Variants in TRMT44 observed in about 807,000 individuals in gnomAD.
TRMT44 encodes the protein probable tRNA (uracil-O(2)-)-methyltransferase.
TRMT44 carries 78 observed loss-of-function variants against 77.3 expected under a neutral mutation model. The ratio of observed to expected loss-of-function variants is 1.01; its 90% CI spans 0.84 to 1.22. The LOEUF (loss-of-function observed/expected upper bound fraction) is 1.22. Among genes scored for constraint, TRMT44 ranks in the 50% most tolerant of loss-of-function variants. The probability of loss-of-function intolerance (pLI) is 0.00; values close to 1 mark genes in which losing one functional copy is unlikely to be tolerated. For missense variants in TRMT44, 1,090 were observed against 964.4 expected (o/e 1.13, Z -1.73); for synonymous variants, 391 against 383.3 (o/e 1.02, Z -0.23).
intron 10 of TRMT44, 104 bp from the exon 11 acceptor site, chr4:8,475,668 C>T: frequency 9.6e-7 from 1 of 1,042,822 alleles, no homozygotes; most frequent in Non-Finnish European, 1.4e-6. Context: ...GTATCCCTGA[C>T]CCTGGATTGG....
chr4:8,468,468 T>C, intron 9 of TRMT44, 122 bp downstream of exon 9: 2 of 1,024,674 alleles, frequency 2.0e-6, no homozygotes, highest in Non-Finnish European at 3.0e-6. Context: ...GAAAAAGCCA[T>C]TGATGGTGGG....
At chr4:8,470,896 T>G in intron 9 of TRMT44, 188 bp from the exon 10 acceptor site, 1 of 517,110 alleles carries the variant, frequency 1.9e-6, no homozygotes, top group Admixed American at 2.9e-5. Flanking sequence ...CTTAGCTGGG[T>G]GGGGACGCCA....
At chr4:8,474,527 T>G (rs1455916182) in intron 10 of TRMT44, among the ~76,000 whole-genome samples, 2 of 152,226 alleles carry the variant, frequency 1.3e-5, no homozygotes, top group East Asian at 1.9e-4. Context: ...TTCTCTAGTT[T>G]CAGGGGAAAC....
intron 2 of TRMT44, among the ~76,000 whole-genome samples, chr4:8,487,763 AGGGGTTG>A (rs963063911): frequency 3.9e-5 from 6 of 152,118 alleles, no homozygotes; most frequent in African/African-American, 1.4e-4. Flanking sequence ...CATGGAGAGA[AGGGGTTG>A]GGGTACTTAC....
chr4:8,501,997 G>A, the TRMT44 span, among the ~76,000 whole-genome samples: 1 of 152,230 alleles, frequency 6.6e-6, no homozygotes, highest in South Asian at 2.1e-4. The surrounding 1 kb of genome is among the most constrained non-coding windows in gnomAD (Gnocchi z 4.4). Context: ...TCTCCCAGGA[G>A]GAGACAGACA....
chr4:8,446,623 G>T lies in TRMT44; in HGVS notation c.734+33G>T. On this transcript the variant is annotated intron_variant, in intron 2 of 10. Coordinates refer to ENST00000389737, the MANE Select transcript of TRMT44 (RefSeq NM_152544.3). The surrounding 1 kb of genome is among the most constrained non-coding windows in gnomAD (Gnocchi z 4.3). ...CTGGACAGTGGACTCCTAGTTTTAT[G>T]GTTTCCATTGAGGATTTCTTTAGGT... The T allele has an allele frequency of 7.0e-7, 1 of 1,438,634 alleles. No homozygotes were observed. Among genetic ancestry groups the T allele is most frequent in the South Asian group, 1.3e-5 (1 of 79,934 alleles). 89.1% of individuals were successfully genotyped at this position (1,438,634 alleles called of 1,614,324 possible). A position where few individuals can be genotyped will look rare whatever the true frequency, so the allele number is the denominator to read the frequency against.
rs938615961 is a variant in TRMT44, at chr4:8,440,891, G to A, written c.69G>A (p.Ala23=). The A allele has an allele frequency of 1.3e-6, 2 of 1,528,618 alleles. No individual in the cohort carries two copies. Among genetic ancestry groups the A allele is most frequent in the Non-Finnish European group, 1.7e-6 (2 of 1,144,854 alleles). 94.7% of individuals were successfully genotyped at this position (1,528,618 alleles called of 1,614,324 possible). The part of the protein sequence containing the change: ...GALLPQGFWA[A]VEVWLERPQV... ...TTCTCCCACAGGGCTTCTGGGCTGCGGTCGAAGTGTGGCTGGAGAGGCCGC... is the reference window on the plus strand; with the variant it reads ...TTCTCCCACAGGGCTTCTGGGCTGCAGTCGAAGTGTGGCTGGAGAGGCCGC... Residue 23 remains alanine (A), a synonymous_variant, in exon 1 of 11, where the codon GCG becomes GCA. Transcript: ENST00000389737.
chr4:8,456,432 C>T (rs567799484), intron 6 of TRMT44, among the ~76,000 whole-genome samples: 9 of 151,998 alleles, frequency 5.9e-5, no homozygotes, highest in African/African-American at 1.4e-4. Context: ...AGAAAAGTTA[C>T]GGCATTAGAA....
At chr4:8,510,278 G>C in the TRMT44 span, 4 of 152,820 alleles carry the variant, frequency 2.6e-5, no homozygotes, top group Non-Finnish European at 2.9e-5. Context: ...GAAGCCTCTC[G>C]CGTTCCTGGG....
At chr4:8,459,466 G>A (rs574900567) in intron 6 of TRMT44, among the ~76,000 whole-genome samples, 1 of 152,182 alleles carries the variant, frequency 6.6e-6, no homozygotes, top group East Asian at 1.9e-4. Flanking sequence ...TCAGCCATGT[G>A]TACGGCAAGC....
chr4:8,495,594 G>A (rs912093127), downstream of TRMT44, among the ~76,000 whole-genome samples: 1 of 152,162 alleles, frequency 6.6e-6, no homozygotes, highest in Non-Finnish European at 1.5e-5. Context: ...GGAGAGGGAC[G>A]ACATCACAAA....
At chr4:8,483,867 T>C (rs113753164) in intron 2 of TRMT44, among the ~76,000 whole-genome samples, 3,465 of 152,266 alleles carry the variant, frequency 0.023, 72 homozygotes, top group African/African-American at 0.053. Context: ...AAAGTGTCTA[T>C]TTAGACTAAG....
intron 2 of TRMT44, among the ~76,000 whole-genome samples, chr4:8,485,933 C>A (rs187624477): frequency 6.6e-6 from 1 of 152,096 alleles, no homozygotes; most frequent in Admixed American, 6.5e-5. Flanking sequence ...GGGTAGCCCC[C>A]GTATCGATTA....
intron 6 of TRMT44, among the ~76,000 whole-genome samples, chr4:8,459,925 G>A (rs897610587): frequency 1.3e-5 from 2 of 152,154 alleles, no homozygotes; most frequent in Admixed American, 1.3e-4. Flanking sequence ...AGTGGCCGCC[G>A]CTGGAGAAGA....
intron 9 of TRMT44, among the ~76,000 whole-genome samples, chr4:8,469,768 A>C (rs563899482): frequency 1.3e-5 from 2 of 152,340 alleles, no homozygotes; most frequent in Admixed American, 6.5e-5. Context: ...TTGGCCTCTC[A>C]GCCCACTGCC....
chr4:8,472,090 C>T (rs1727044858), intron 10 of TRMT44, among the ~76,000 whole-genome samples: 2 of 152,024 alleles, frequency 1.3e-5, no homozygotes, highest in East Asian at 3.9e-4. Context: ...TAAGTACTTC[C>T]ACGTGCATCT....
chr4:8,442,969 C>A (rs1231909705), intron 1 of TRMT44, among the ~76,000 whole-genome samples: 1 of 152,170 alleles, frequency 6.6e-6, no homozygotes, highest in Non-Finnish European at 1.5e-5. Flanking sequence ...TTGCAAGTGC[C>A]CCTTTTGCCA....
At chr4:8,488,851 T>C (rs965572029) in intron 2 of TRMT44, among the ~76,000 whole-genome samples, 6 of 152,176 alleles carry the variant, frequency 3.9e-5, no homozygotes, top group Non-Finnish European at 8.8e-5. Flanking sequence ...TAAAAGCTGC[T>C]ATGAGTGCTG....
chr4:8,513,103 G>A, the TRMT44 span, among the ~76,000 whole-genome samples: 2 of 152,130 alleles, frequency 1.3e-5, no homozygotes, highest in Non-Finnish European at 2.9e-5. Context: ...TTTAGAGACA[G>A]GGTTTTACCA....
Sources: allele counts gnomAD v4.1 joint callset (sites outside exome capture counted in the v4.1 genomes callset), GRCh38; gene constraint gnomAD v4.1.1; non-coding constraint Gnocchi (gnomAD v3.1); transcripts MANE v1.5; gene names NCBI Gene and HGNC (gene_info 2026-07-23, HGNC 2026-07-21).